The following MPHOSPH6 variants were observed in gnomAD, a reference collection of about 807,000 sequenced individuals.
MPHOSPH6 encodes M-phase phosphoprotein 6.
A neutral mutation model predicts 21.8 loss-of-function variants in MPHOSPH6; 25 were observed. That is an observed-to-expected ratio of 1.15 (90% CI 0.83 to 1.60). The LOEUF (loss-of-function observed/expected upper bound fraction) is 1.60. Among genes scored for constraint, MPHOSPH6 ranks in the 40% most tolerant of loss-of-function variants. MPHOSPH6 has a pLI of 0.00. For missense variants in MPHOSPH6, 269 were observed against 181.8 expected (o/e 1.48, Z -2.76); for synonymous variants, 84 against 56.5 (o/e 1.49, Z -2.18).
At chr16:82,164,012 G>C in intron 2 of MPHOSPH6, 70 bp downstream of exon 2, 2 of 982,464 alleles carry the variant, frequency 2.0e-6, no homozygotes, top group Non-Finnish European at 3.1e-6. Context: ...CCGGAATGAT[G>C]AGTTAAATTT....
At chr16:82,164,733 A>G (rs73591486) in intron 1 of MPHOSPH6, 9,722 of 152,564 alleles carry the variant, frequency 0.064, 559 homozygotes, top group African/African-American at 0.15. Flanking sequence ...ATCTGTCCCA[A>G]TATGATGACT....
At chr16:82,168,340 T>C (rs1906854895) in intron 1 of MPHOSPH6, among the ~76,000 whole-genome samples, 1 of 152,210 alleles carries the variant, frequency 6.6e-6, no homozygotes, top group African/African-American at 2.4e-5. Context: ...ATTTTGCTAA[T>C]ATGCATGAAA....
intron 2 of MPHOSPH6, among the ~76,000 whole-genome samples, chr16:82,158,255 G>A (rs371863174): frequency 6.3e-4 from 96 of 151,704 alleles, no homozygotes; most frequent in African/African-American, 1.6e-3. Flanking sequence ...TTGGGAGGCC[G>A]AAGCAGGAGG....
At chr16:82,153,732 G>T (rs1906341795) in intron 2 of MPHOSPH6, among the ~76,000 whole-genome samples, 1 of 152,214 alleles carries the variant, frequency 6.6e-6, no homozygotes, top group African/African-American at 2.4e-5. Flanking sequence ...AACTGCTGGA[G>T]AGATGATTTC....
chr16:82,158,357 G>A (rs1048621809), intron 2 of MPHOSPH6, among the ~76,000 whole-genome samples: 1 of 151,490 alleles, frequency 6.6e-6, no homozygotes, highest in African/African-American at 2.4e-5. Flanking sequence ...AAATTGGCTG[G>A]GCATAGCGGC....
intron 3 of MPHOSPH6, among the ~76,000 whole-genome samples, chr16:82,150,760 G>T (rs7195527): frequency 0.039 from 5,966 of 152,286 alleles, 399 homozygotes; most frequent in African/African-American, 0.13. Context: ...TGTTAACACT[G>T]CCAAGGGCAA....
chr16:82,160,662 C>G (rs1200872306), intron 2 of MPHOSPH6, among the ~76,000 whole-genome samples: 1 of 152,182 alleles, frequency 6.6e-6, no homozygotes, highest in Non-Finnish European at 1.5e-5. Context: ...TGATGCAAAT[C>G]CACTGGGTGC....
chr16:82,148,562 A>C lies in MPHOSPH6; in HGVS notation c.*169T>G, dbSNP rs575767717. 2 of 791,464 alleles carry C rather than the reference A, an allele frequency of 2.5e-6. No homozygotes were observed. Among genetic ancestry groups the C allele is most frequent in the South Asian group, 2.9e-5 (1 of 34,346 alleles). 49.0% of individuals were successfully genotyped at this position (791,464 alleles called of 1,614,324 possible). ...ATGAATACCAAGAAGCAAAGGATGT[A>C]CAACATCCATCACACATCTGTTTCA... is the stretch of plus-strand genomic sequence containing the variant. On this transcript the variant is annotated 3_prime_UTR_variant, in exon 5 of 5. Transcript: ENST00000258169.
intron 2 of MPHOSPH6, among the ~76,000 whole-genome samples, chr16:82,155,532 T>G (rs185511161): frequency 6.6e-6 from 1 of 152,284 alleles, no homozygotes; most frequent in African/African-American, 2.4e-5. Flanking sequence ...AACAAATAAG[T>G]TTGAAAAAAC....
At chr16:82,152,538 G>A (rs578226643) in intron 2 of MPHOSPH6, among the ~76,000 whole-genome samples, 2 of 152,264 alleles carry the variant, frequency 1.3e-5, no homozygotes, top group East Asian at 3.9e-4. Context: ...GCTGTACTGG[G>A]CATCTCAGAA....
At chr16:82,149,779 A>C (rs1296378523) in intron 3 of MPHOSPH6, among the ~76,000 whole-genome samples, 1 of 152,118 alleles carries the variant, frequency 6.6e-6, no homozygotes, top group Non-Finnish European at 1.5e-5. Flanking sequence ...AGCCATATGG[A>C]AGAAACACTA....
chr16:82,169,588 A>G (rs1281443852), intron 1 of MPHOSPH6, among the ~76,000 whole-genome samples: 6 of 152,188 alleles, frequency 3.9e-5, no homozygotes, highest in Non-Finnish European at 7.4e-5. Context: ...ACACATATAT[A>G]CACATATACA....
chr16:82,152,661 T>G lies in MPHOSPH6; in HGVS notation c.165-1147A>C, dbSNP rs117708840. 3.6e-3 allele frequency among the ~76,000 whole-genome samples: 545 copies of G among 152,282 alleles called. 10 individuals carry two copies. In the East Asian group the frequency reaches 0.039, roughly 11 times the overall value. Reference sequence around the variant, plus strand: ...AGAATGACCCTAGGAAAACCACTGTTGCTGCTGACGGGGCTGAGCACGACA... The same window carrying G: ...AGAATGACCCTAGGAAAACCACTGTGGCTGCTGACGGGGCTGAGCACGACA... On this transcript the variant is annotated intron_variant, in intron 2 of 4. Transcript: ENST00000258169.
chr16:82,151,742 A>C (rs945617493), intron 2 of MPHOSPH6, among the ~76,000 whole-genome samples: 1 of 152,238 alleles, frequency 6.6e-6, no homozygotes, highest in Non-Finnish European at 1.5e-5. Context: ...TAAACACCAC[A>C]TTTAATTTGC....
At chr16:82,155,813 G>A (rs966927925) in intron 2 of MPHOSPH6, among the ~76,000 whole-genome samples, 7 of 151,970 alleles carry the variant, frequency 4.6e-5, no homozygotes, top group Admixed American at 3.9e-4. Context: ...GCTGGGGCAG[G>A]AGAATCGCCT....
At chr16:82,150,393 A>G (rs6564985) in intron 3 of MPHOSPH6, among the ~76,000 whole-genome samples, 2,516 of 152,274 alleles carry the variant, frequency 0.017, 60 homozygotes, top group African/African-American at 0.055. Context: ...AGAAAGTCAA[A>G]GCGAGACCAG....
chr16:82,163,933 T>C (rs1906681435), intron 2 of MPHOSPH6, 149 bp downstream of exon 2: 1 of 579,118 alleles, frequency 1.7e-6, no homozygotes, highest in South Asian at 2.4e-5. Flanking sequence ...CTTCTATAGG[T>C]TTAATATTTT....
rs3751862 is a variant in MPHOSPH6, at chr16:82,148,624, A to C, written c.*107T>G. The C allele has an allele frequency of 0.028, 37,121 of 1,327,264 alleles. 2,836 individuals are homozygous for C. Among genetic ancestry groups the C allele is most frequent in the African/African-American group, 0.26 (17,701 of 68,330 alleles). 82.2% of individuals were successfully genotyped at this position (1,327,264 alleles called of 1,614,324 possible). On this transcript the variant is annotated 3_prime_UTR_variant, in exon 5 of 5. Transcript: ENST00000258169. Reference sequence around the variant, plus strand: ...TTTCTAAAATGATAATCTCTTTACAAGTAAACGTTACAGTATTAATAACTA... The same window carrying C: ...TTTCTAAAATGATAATCTCTTTACACGTAAACGTTACAGTATTAATAACTA...
Position 82,170,090 on chromosome 16 carries a change from T to C in MPHOSPH6, c.51+35A>G, listed in dbSNP as rs563767563. The C allele has an allele frequency of 3.2e-6, 5 of 1,574,908 alleles. No homozygotes were observed. The Admixed American group carries it at 7.2e-5, about 23-fold the overall frequency. ...CCAGGTTGGAAGGACCGGGTGCCCC[T>C]ACCGCCCGGAGTGGCGCTCTCAGCG... is the stretch of plus-strand genomic sequence containing the variant. On this transcript the variant is annotated intron_variant, in intron 1 of 4. Transcript: ENST00000258169.
Sources: gnomAD v4.1 joint callset for allele counts (sites outside exome capture counted in the v4.1 genomes callset) on GRCh38, gnomAD v4.1.1 for gene constraint, MANE v1.5 for transcripts, NCBI Gene and HGNC (gene_info 2026-07-23, HGNC 2026-07-21) for gene names.